The following PALLD variants were observed in gnomAD, a reference collection of about 807,000 sequenced individuals.
PALLD encodes the protein palladin.
Under a neutral mutation model 123.5 loss-of-function variants are expected in PALLD, and 61 were observed. The observed-to-expected ratio is 0.49, with a 90% CI of 0.40 to 0.61. PALLD has a LOEUF of 0.61. PALLD is among the 20% of genes least tolerant of loss of function. The pLI is 0.00. For synonymous variants in PALLD, 465 were observed against 496.4 expected, an observed-to-expected ratio of 0.94 and a Z score of 0.84; for missense variants, 1,273 against 1,377.0, an observed-to-expected ratio of 0.92 and a Z score of 1.20.
At chr4:168,896,286 CT>C (rs1366688486) in intron 12 of PALLD, among the ~76,000 whole-genome samples, 1 of 151,806 alleles carries the variant, frequency 6.6e-6, no homozygotes, top group East Asian at 1.9e-4. Context: ...CTTAAATGTG[CT>C]CACAACACTT....
intron 2 of PALLD, among the ~76,000 whole-genome samples, chr4:168,625,517 A>ATATATATATATATATATATC (rs1775175388): frequency 6.9e-6 from 1 of 144,126 alleles, no homozygotes; most frequent in African/African-American, 2.6e-5. Context: ...ATATATATAT[A>ATATATATATATATATATATC]TCCTATAAGG....
At chr4:168,903,685 A>C in intron 14 of PALLD, 72 bp from the exon 15 acceptor site, 1 of 1,238,650 alleles carries the variant, frequency 8.1e-7, no homozygotes. Context: ...CCACACTGTT[A>C]CTATTTTCAG....
intron 10 of PALLD, among the ~76,000 whole-genome samples, chr4:168,771,700 A>G (rs989967531): frequency 2.6e-5 from 4 of 151,968 alleles, no homozygotes; most frequent in Non-Finnish European, 5.9e-5. Flanking sequence ...TCACCCCCCA[A>G]ACACACCCAG....
intron 2 of PALLD, among the ~76,000 whole-genome samples, chr4:168,659,643 A>G (rs1381774334): frequency 6.6e-6 from 1 of 152,210 alleles, no homozygotes; most frequent in African/African-American, 2.4e-5. Context: ...TAAGCACCTG[A>G]TTGTTTCCAT....
intron 2 of PALLD, among the ~76,000 whole-genome samples, chr4:168,642,963 A>G (rs1254670192): frequency 1.3e-5 from 2 of 152,236 alleles, no homozygotes; most frequent in Non-Finnish European, 2.9e-5. Context: ...AGAAGACAGC[A>G]AAGTATTTGG....
At chr4:168,921,765 C>T in intron 18 of PALLD, 24 bp downstream of exon 18, 1 of 1,552,692 alleles carries the variant, frequency 6.4e-7, no homozygotes, top group Non-Finnish European at 8.9e-7. Flanking sequence ...TGAATCCTTG[C>T]TCTCTGACAG....
chr4:168,679,909 A>G (rs1781372267), intron 3 of PALLD, among the ~76,000 whole-genome samples: 1 of 152,108 alleles, frequency 6.6e-6, no homozygotes, highest in Non-Finnish European at 1.5e-5. Context: ...GAAAGCCTAC[A>G]CTGGATGGTA....
intron 10 of PALLD, among the ~76,000 whole-genome samples, chr4:168,782,225 T>C (rs1159609803): frequency 1.3e-5 from 2 of 152,196 alleles, no homozygotes; most frequent in Non-Finnish European, 2.9e-5. Context: ...AAAAGAAACT[T>C]TTCAGTGCAC....
rs940397602 is a variant in PALLD at position 168,876,796 on chromosome 4, T to G, written c.1965-14126T>G. On this transcript the variant is annotated intron_variant, in intron 10 of 21. Transcript: ENST00000505667. ...ATAGATAACTTGTTTTATCTGCTTGTTACAGTGCCGCCTTCTGTTGAAGTT... is the reference window on the plus strand; with the variant it reads ...ATAGATAACTTGTTTTATCTGCTTGGTACAGTGCCGCCTTCTGTTGAAGTT... Among the ~76,000 whole-genome samples the G allele has an allele frequency of 2.6e-5, 4 of 152,244 alleles. No homozygotes were observed. In the East Asian group the frequency reaches 7.7e-4, roughly 29 times the overall value.
rs538748120 is a variant in PALLD at position 168,800,534 on chromosome 4, A to AAAATATGAATTAAAAC, written c.1964+88614_1964+88629dup. Reference sequence around the variant, plus strand: ...TGTTCAATCTCATTAAGTAATAAGAAAAATATGAATTAAAACAACAGAGAT... The same window carrying AAAATATGAATTAAAAC: ...TGTTCAATCTCATTAAGTAATAAGAAAAATATGAATTAAAACAAATATGAATTAAAACAACAGAGAT... On this transcript the variant is annotated intron_variant, in intron 10 of 21. Transcript: ENST00000505667. Among the ~76,000 whole-genome samples, 50 of 152,346 alleles carry AAAATATGAATTAAAAC rather than the reference A, an allele frequency of 3.3e-4. 1 individual carries two copies. In the South Asian group the frequency reaches 0.01, roughly 31 times the overall value.
chr4:168,813,280 A>G (rs922414972), intron 10 of PALLD, among the ~76,000 whole-genome samples: 4 of 152,162 alleles, frequency 2.6e-5, no homozygotes, highest in East Asian at 1.9e-4. Context: ...GGAATTTAAC[A>G]TATCTTCTTT....
chr4:168,698,072 A>G (rs757059301), intron 8 of PALLD, among the ~76,000 whole-genome samples: 3 of 152,218 alleles, frequency 2.0e-5, no homozygotes, highest in Admixed American at 6.5e-5. Flanking sequence ...TTGCAACAAC[A>G]TGGATGGAAC....
intron 10 of PALLD, among the ~76,000 whole-genome samples, chr4:168,757,705 G>T (rs900765037): frequency 2.6e-5 from 4 of 152,236 alleles, no homozygotes; most frequent in Non-Finnish European, 5.9e-5. Flanking sequence ...TGATGACTAA[G>T]TGAAAATGAC....
At chr4:168,498,063 T>C (rs1239512181) in intron 1 of PALLD, among the ~76,000 whole-genome samples, 1 of 152,226 alleles carries the variant, frequency 6.6e-6, no homozygotes, top group African/African-American at 2.4e-5. Flanking sequence ...CATTTCATGA[T>C]AAATGTGCCT....
chr4:168,527,422 C>CAAAAAAAAAAGAAAAA (rs1764165503), intron 2 of PALLD, among the ~76,000 whole-genome samples: 1 of 52,916 alleles, frequency 1.9e-5, no homozygotes, highest in African/African-American at 1.1e-4. Flanking sequence ...AACTCCATCT[C>CAAAAAAAAAAGAAAAA]AAAAAAAAAA....
At chr4:168,810,508 T>C (rs990443448) in intron 10 of PALLD, among the ~76,000 whole-genome samples, 2 of 152,000 alleles carry the variant, frequency 1.3e-5, no homozygotes, top group East Asian at 3.9e-4. Context: ...TACAAAAAAT[T>C]AGCCAAGCAT....
intron 10 of PALLD, among the ~76,000 whole-genome samples, chr4:168,795,337 G>C (rs941050440): frequency 6.6e-6 from 1 of 152,176 alleles, no homozygotes; most frequent in African/African-American, 2.4e-5. Flanking sequence ...ATTTGAAAAT[G>C]AAATCGAAGA....
At chr4:168,595,285 C>T (rs903013957) in intron 2 of PALLD, among the ~76,000 whole-genome samples, 1 of 152,084 alleles carries the variant, frequency 6.6e-6, no homozygotes, top group African/African-American at 2.4e-5. Flanking sequence ...TTAAGTTTCC[C>T]AATGCAGCTA....
intron 2 of PALLD, among the ~76,000 whole-genome samples, chr4:168,594,650 A>G (rs1383113108): frequency 6.6e-6 from 1 of 152,158 alleles, no homozygotes; most frequent in East Asian, 1.9e-4. Flanking sequence ...GGGATATATT[A>G]CAAATGAGCA....
Sources: allele counts gnomAD v4.1 joint callset (sites outside exome capture counted in the v4.1 genomes callset), GRCh38; gene constraint gnomAD v4.1.1; transcripts MANE v1.5; gene names NCBI Gene and HGNC (gene_info 2026-07-23, HGNC 2026-07-21).